Variants in PAGE2B observed in about 807,000 individuals in gnomAD.
PAGE2B encodes the protein PAGE family member 2B, also known as putative G antigen family E member 3.
PAGE2B carries 5 observed loss-of-function variants against 7.6 expected under a neutral mutation model. The observed-to-expected ratio is 0.66, with a 90% CI of 0.34 to 1.38. The LOEUF is 1.38. Among genes scored for constraint, PAGE2B ranks in the 40% most tolerant of loss-of-function variants. The pLI is 0.04. For missense variants in PAGE2B, 70 were observed against 78.4 expected (o/e 0.89, Z 0.41); for synonymous variants, 29 against 26.7 (o/e 1.09, Z -0.27).
the PAGE2B span, among the ~76,000 whole-genome samples, chrX:55,037,495 G>A: frequency 1.8e-5 from 2 of 110,918 alleles, no homozygotes; most frequent in Admixed American, 9.6e-5. Flanking sequence ...TCAGTGTGGC[G>A]ATTCCTCAGG....
the PAGE2B span, among the ~76,000 whole-genome samples, chrX:55,052,705 G>A: frequency 8.9e-6 from 1 of 112,926 alleles, no homozygotes; most frequent in Admixed American, 9.3e-5. Context: ...GGTGCCATCT[G>A]TCACCCCTTT....
the PAGE2B span, among the ~76,000 whole-genome samples, chrX:55,058,172 G>C: frequency 1.8e-5 from 2 of 110,498 alleles, no homozygotes; most frequent in African/African-American, 6.6e-5. Context: ...TGTAATAATT[G>C]ATCTCCACTG....
chrX:55,071,115 T>G (rs1298070674), upstream of PAGE2B, among the ~76,000 whole-genome samples: 2 of 112,120 alleles, frequency 1.8e-5, no homozygotes, highest in African/African-American at 6.5e-5. Context: ...GTTTATGCAG[T>G]TTCTTCATAG....
chrX:55,041,649 G>A, the PAGE2B span, among the ~76,000 whole-genome samples: 17 of 111,804 alleles, frequency 1.5e-4, no homozygotes, highest in East Asian at 4.5e-3. Flanking sequence ...TGAGGGCTAG[G>A]GCTGAGCCTC....
At chrX:55,034,135 A>G in the PAGE2B span, among the ~76,000 whole-genome samples, 9 of 111,981 alleles carry the variant, frequency 8.0e-5, no homozygotes, top group Non-Finnish European at 1.5e-4. Flanking sequence ...GGTTGGTCTC[A>G]CTATCAGCAT....
the PAGE2B span, among the ~76,000 whole-genome samples, chrX:55,058,455 C>A: frequency 9.0e-6 from 1 of 111,000 alleles, no homozygotes; most frequent in Non-Finnish European, 1.9e-5. Flanking sequence ...TACATACAAG[C>A]AATAAGTTGG....
the PAGE2B span, among the ~76,000 whole-genome samples, chrX:55,054,507 A>C: frequency 8.9e-6 from 1 of 112,419 alleles, no homozygotes; most frequent in African/African-American, 3.2e-5. Flanking sequence ...TTATTTTGGA[A>C]TAACACAGAA....
intron 1 of PAGE2B, among the ~76,000 whole-genome samples, 194 bp from the exon 2 acceptor site, chrX:55,075,840 C>A (rs1367493258): frequency 1.8e-5 from 2 of 111,424 alleles, no homozygotes; most frequent in Non-Finnish European, 3.8e-5. Flanking sequence ...GATTTCTATG[C>A]CTCTTCGACT....
chrX:55,035,796 G>C, the PAGE2B span, among the ~76,000 whole-genome samples: 1 of 112,112 alleles, frequency 8.9e-6, no homozygotes, highest in African/African-American at 3.2e-5. Flanking sequence ...AAGTGTAAAA[G>C]AGTGAATCTG....
At chrX:55,057,233 C>T in the PAGE2B span, among the ~76,000 whole-genome samples, 1 of 110,844 alleles carries the variant, frequency 9.0e-6, no homozygotes, top group Non-Finnish European at 1.9e-5. Context: ...CTCTCATGAC[C>T]AGAAGTCTAG....
At chrX:55,074,186 G>A (rs1005517097), upstream of PAGE2B, among the ~76,000 whole-genome samples, 12 of 111,622 alleles carry the variant, frequency 1.1e-4, no homozygotes, top group Non-Finnish European at 2.1e-4. Flanking sequence ...TCTAAAATAG[G>A]AAGATGGCTA....
the PAGE2B span, among the ~76,000 whole-genome samples, chrX:55,057,072 T>G: frequency 9.0e-6 from 1 of 111,410 alleles, no homozygotes; most frequent in African/African-American, 3.3e-5. Context: ...TGGGATTAAT[T>G]TTACTCAACT....
At chrX:55,073,616 T>G (rs7878467), upstream of PAGE2B, among the ~76,000 whole-genome samples, 8,748 of 111,740 alleles carry the variant, frequency 0.078, 790 homozygotes, top group African/African-American at 0.26. Context: ...TCTATAAATT[T>G]CCCTGGTCAG....
the PAGE2B span, among the ~76,000 whole-genome samples, chrX:55,029,217 A>G: frequency 3.1e-3 from 346 of 111,714 alleles, 1 homozygote; most frequent in African/African-American, 0.011. Flanking sequence ...TCTTGTCCCA[A>G]TCCTGTTACA....
At chrX:55,053,032 G>A in the PAGE2B span, among the ~76,000 whole-genome samples, 1 of 112,323 alleles carries the variant, frequency 8.9e-6, no homozygotes, top group Non-Finnish European at 1.9e-5. Flanking sequence ...CTACAATGTG[G>A]CAAATATTTT....
the PAGE2B span, among the ~76,000 whole-genome samples, chrX:55,051,361 G>T: frequency 2.7e-5 from 3 of 111,524 alleles, no homozygotes; most frequent in South Asian, 3.8e-4. Flanking sequence ...GGCCTGCCTT[G>T]CTAGATTGGG....
the PAGE2B span, among the ~76,000 whole-genome samples, chrX:55,056,975 T>C: frequency 0.044 from 4,908 of 111,495 alleles, 285 homozygotes; most frequent in African/African-American, 0.15. Flanking sequence ...GATAACCTTA[T>C]ATTTACTCGC....
chrX:55,051,734 CT>C, the PAGE2B span, among the ~76,000 whole-genome samples: 2 of 110,863 alleles, frequency 1.8e-5, no homozygotes, highest in Admixed American at 1.9e-4. Flanking sequence ...AAGTTTTTAT[CT>C]TCTTTGTCAT....
chrX:55,039,356 C>A, the PAGE2B span, among the ~76,000 whole-genome samples: 1 of 111,118 alleles, frequency 9.0e-6, no homozygotes, highest in Non-Finnish European at 1.9e-5. Flanking sequence ...AAAGTAATGT[C>A]TGCAGCATTA....
Sources: allele counts gnomAD v4.1 joint callset (sites outside exome capture counted in the v4.1 genomes callset), GRCh38; gene constraint gnomAD v4.1.1; transcripts MANE v1.5; gene names NCBI Gene and HGNC (gene_info 2026-07-23, HGNC 2026-07-21).